The following AGAP1 variants were observed in gnomAD, a reference collection of about 807,000 sequenced individuals.
The protein encoded by AGAP1 is ArfGAP with GTPase domain, ankyrin repeat and PH domain 1.
Under a neutral mutation model 105.3 loss-of-function variants are expected in AGAP1, and 29 were observed. That is an observed-to-expected ratio of 0.28 (90% CI 0.21 to 0.38). The LOEUF is 0.38. AGAP1 is among the 10% of genes least tolerant of loss of function. The pLI is 1.00. For synonymous variants in AGAP1, 509 were observed against 485.9 expected (o/e 1.05, Z -0.63); for missense variants, 998 against 1,165.1 (o/e 0.86, Z 2.09).
chr2:236,124,143 C>G lies in AGAP1; in HGVS notation c.*21C>G. On this transcript the variant is annotated 3_prime_UTR_variant, in exon 18 of 18. Transcript: ENST00000304032. This position sits in a 1 kb window ranked among gnomAD's most constrained non-coding sequence, Gnocchi z 5.1. Reference sequence around the variant, plus strand: ...TCTGAGGAACAGCCGTGCCCGCCTGCTCGCCGCACCTGGGACGCGGCAGCC... The same window carrying G: ...TCTGAGGAACAGCCGTGCCCGCCTGGTCGCCGCACCTGGGACGCGGCAGCC... The G allele has an allele frequency of 6.2e-7, 1 of 1,609,950 alleles. No individual in the cohort carries two copies. Among genetic ancestry groups the G allele is most frequent in the Non-Finnish European group, 8.5e-7 (1 of 1,176,836 alleles).
rs116424950 is a variant in AGAP1, at chr2:235,575,293, A to G, written c.163+80444A>G. On this transcript the variant is annotated intron_variant, in intron 1 of 17. Transcript: ENST00000304032. ...CATGTCATGTTTGTTGATTATTTGT[A>G]TATGTTTTAATGTGTATTAAAAAGA... Among the ~76,000 whole-genome samples the G allele has an allele frequency of 2.6e-3, 397 of 152,316 alleles. 2 individuals are homozygous for G. The highest frequency in any genetic ancestry group is 7.9e-3 in the African/African-American group (327 of 41,566).
intron 9 of AGAP1, among the ~76,000 whole-genome samples, chr2:235,848,885 T>G (rs1176944299): frequency 6.6e-6 from 1 of 152,210 alleles, no homozygotes; most frequent in East Asian, 1.9e-4. Context: ...GCTGCTTTGT[T>G]GTTGCTCCTT....
intron 1 of AGAP1, among the ~76,000 whole-genome samples, chr2:235,661,648 A>G (rs6712672): frequency 0.22 from 34,211 of 152,094 alleles, 4,237 homozygotes; most frequent in East Asian, 0.46. Flanking sequence ...TCCGGGAGAC[A>G]TGGAGCATCT....
rs968716050 is a variant in AGAP1 at position 235,633,639 on chromosome 2, A to T, written c.164-75540A>T. On this transcript the variant is annotated intron_variant, in intron 1 of 17. Transcript: ENST00000304032. The surrounding 1 kb of genome is among the most constrained non-coding windows in gnomAD (Gnocchi z 4.8). The stretch of plus-strand genomic sequence containing the variant: ...GAATTGTCATAGATGGAGTGGGGAG[A>T]CCTACAAGGCCTGTCTGTTCAGATT... 2.6e-5 allele frequency among the ~76,000 whole-genome samples: 4 copies of T among 151,950 alleles called. No homozygotes were observed. The highest frequency in any genetic ancestry group is 9.7e-5 in the African/African-American group (4 of 41,376).
At chr2:235,564,945 G>T (rs1364595906) in intron 1 of AGAP1, among the ~76,000 whole-genome samples, 1 of 146,676 alleles carries the variant, frequency 6.8e-6, no homozygotes, top group Non-Finnish European at 1.5e-5. Flanking sequence ...CCAGCTGTGG[G>T]TCTAGACCAC....
At chr2:236,066,113 G>A (rs2058338252) in intron 16 of AGAP1, among the ~76,000 whole-genome samples, 2 of 152,238 alleles carry the variant, frequency 1.3e-5, no homozygotes, top group South Asian at 4.1e-4. Context: ...CCAAGCTCTG[G>A]AGGGGACACT....
At position 235,830,097 on chromosome 2, in the gene AGAP1, C is replaced by T. The variant is rs1379953043; in HGVS notation, c.1050+22766C>T. ...GGCGGCTGGCTGATGGAGTCGTTCT[C>T]ATTTGTGAAGACACTGTCCAGGGCT... On this transcript the variant is annotated intron_variant, in intron 9 of 17. Transcript: ENST00000304032. This position sits in a 1 kb window ranked among gnomAD's most constrained non-coding sequence, Gnocchi z 5.5. 6.6e-6 allele frequency among the ~76,000 whole-genome samples: 1 copy of T among 152,056 alleles called. No homozygotes were observed. The highest frequency in any genetic ancestry group is 1.5e-5 in the Non-Finnish European group (1 of 68,014).
chr2:236,078,968 C>A lies in AGAP1; in HGVS notation c.2114+29687C>A, dbSNP rs375761693. ...GGCTTGAACAGTGAGGTTCCAGTCCCGTCCCTTTAGCCTCATCCCTCATGG... is the reference window on the plus strand; with the variant it reads ...GGCTTGAACAGTGAGGTTCCAGTCCAGTCCCTTTAGCCTCATCCCTCATGG... On this transcript the variant is annotated intron_variant, in intron 16 of 17. Coordinates refer to ENST00000304032, the MANE Select transcript of AGAP1 (RefSeq NM_001037131.3). This position sits in a 1 kb window ranked among gnomAD's most constrained non-coding sequence, Gnocchi z 5.3. Among the ~76,000 whole-genome samples the A allele has an allele frequency of 6.6e-6, 1 of 152,150 alleles. No homozygotes were observed. The highest frequency in any genetic ancestry group is 1.5e-5 in the Non-Finnish European group (1 of 68,028).
At chr2:236,077,651 T>C (rs1477562298) in intron 16 of AGAP1, among the ~76,000 whole-genome samples, 1 of 152,190 alleles carries the variant, frequency 6.6e-6, no homozygotes, top group African/African-American at 2.4e-5. Context: ...TTTTTAGTGG[T>C]GTCACAATAA....
intron 2 of AGAP1, among the ~76,000 whole-genome samples, chr2:235,715,524 A>T (rs763520496): frequency 6.6e-6 from 1 of 152,114 alleles, no homozygotes; most frequent in East Asian, 1.9e-4. Flanking sequence ...AAGTTCATGG[A>T]CCTGCTGGGC....
At chr2:235,670,123 C>T (rs952865763) in intron 1 of AGAP1, 2 of 563,262 alleles carry the variant, frequency 3.6e-6, no homozygotes, top group African/African-American at 2.0e-5. Flanking sequence ...ACGGCAGTGG[C>T]GAGCCCGCGT....
intron 16 of AGAP1, among the ~76,000 whole-genome samples, chr2:236,072,905 G>A (rs1413770961): frequency 6.6e-6 from 1 of 152,096 alleles, no homozygotes; most frequent in Non-Finnish European, 1.5e-5. Context: ...AGAACCTGAT[G>A]GAAGTAATTT....
At chr2:235,598,187 T>C (rs146327698) in intron 1 of AGAP1, among the ~76,000 whole-genome samples, 210 of 152,168 alleles carry the variant, frequency 1.4e-3, no homozygotes, top group African/African-American at 4.7e-3. Flanking sequence ...CTGGCGTGTC[T>C]ACAGCATCCC....
At chr2:235,514,823 G>A (rs1942312826) in intron 1 of AGAP1, among the ~76,000 whole-genome samples, 1 of 152,226 alleles carries the variant, frequency 6.6e-6, no homozygotes, top group South Asian at 2.1e-4. Context: ...TTAACTGCAT[G>A]AGGGAGGCGG....
chr2:235,808,059 C>G (rs1957935364), intron 9 of AGAP1, among the ~76,000 whole-genome samples: 1 of 151,804 alleles, frequency 6.6e-6, no homozygotes, highest in African/African-American at 2.4e-5. Flanking sequence ...AAAAAAAACC[C>G]TGGAGTCCAC....
Position 235,723,800 on chromosome 2 carries a change from T to TGGTTGGTTGGTTGGTTGGTTGGTC in AGAP1, c.310+6159_310+6160insTGGTTGGTTGGTTGGTTGGTCGGT, listed in dbSNP as rs559644420. ...TTGGTTGGTTGGTTGGTTGGTTGGT[T>TGGTTGGTTGGTTGGTTGGTTGGTC]GGTCGATCGACAGAGACTTAAGAAT... On this transcript the variant is annotated intron_variant, in intron 3 of 17. Coordinates refer to ENST00000304032, the MANE Select transcript of AGAP1 (RefSeq NM_001037131.3). This position sits in a 1 kb window ranked among gnomAD's most constrained non-coding sequence, Gnocchi z 6.2. Among the ~76,000 whole-genome samples, 2 of 150,990 alleles carry TGGTTGGTTGGTTGGTTGGTTGGTC rather than the reference T, an allele frequency of 1.3e-5. No homozygotes were observed. Among genetic ancestry groups the TGGTTGGTTGGTTGGTTGGTTGGTC allele is most frequent in the Non-Finnish European group, 3.0e-5 (2 of 67,768 alleles).
Position 235,701,376 on chromosome 2 carries a change from G to A in AGAP1, c.164-7803G>A, listed in dbSNP as rs1280416898. 6.6e-6 allele frequency among the ~76,000 whole-genome samples: 1 copy of A among 152,000 alleles called. No individual in the cohort carries two copies. Among genetic ancestry groups the A allele is most frequent in the Non-Finnish European group, 1.5e-5 (1 of 68,002 alleles). On this transcript the variant is annotated intron_variant, in intron 1 of 17. Coordinates refer to ENST00000304032, the MANE Select transcript of AGAP1 (RefSeq NM_001037131.3). This position sits in a 1 kb window ranked among gnomAD's most constrained non-coding sequence, Gnocchi z 4.1. ...AAAGAGCCTTGGAATTGCAGGCAGTGGCGTGGATGTACCTGCAGGGGTGGG... is the reference window on the plus strand; with the variant it reads ...AAAGAGCCTTGGAATTGCAGGCAGTAGCGTGGATGTACCTGCAGGGGTGGG...
At position 236,105,668 on chromosome 2, in the gene AGAP1, G is replaced by A. The variant is rs1032546835; in HGVS notation, c.2115-14524G>A. On this transcript the variant is annotated intron_variant, in intron 16 of 17. Coordinates refer to ENST00000304032, the MANE Select transcript of AGAP1 (RefSeq NM_001037131.3). The surrounding 1 kb of genome is among the most constrained non-coding windows in gnomAD (Gnocchi z 4.2). ...CCTCCCGGGTTCACACCATTCTCCCGCGTTCACGCCATTCTCCCGCGTTCA... is the reference window on the plus strand; with the variant it reads ...CCTCCCGGGTTCACACCATTCTCCCACGTTCACGCCATTCTCCCGCGTTCA... 3.5e-4 allele frequency among the ~76,000 whole-genome samples: 20 copies of A among 57,178 alleles called. No homozygotes were observed. Among genetic ancestry groups the A allele is most frequent in the African/African-American group, 8.7e-4 (18 of 20,632 alleles). The allele number at this position is 57,178 out of a possible 152,430, so 37.5% of individuals were successfully genotyped here. A position where few individuals can be genotyped will look rare whatever the true frequency, so the allele number is the denominator to read the frequency against.
Position 236,082,041 on chromosome 2 carries a change from A to G in AGAP1, c.2114+32760A>G, listed in dbSNP as rs1262769254. Among the ~76,000 whole-genome samples, 4 of 152,224 alleles carry G rather than the reference A, an allele frequency of 2.6e-5. No homozygotes were observed. Among genetic ancestry groups the G allele is most frequent in the African/African-American group, 7.2e-5 (3 of 41,454 alleles). ...TAATCCAAAAGGAATGTGAAAAAAG[A>G]GTTGTTTTAATGTTGGAAAAAGGCA... On this transcript the variant is annotated intron_variant, in intron 16 of 17. Transcript: ENST00000304032. This position sits in a 1 kb window ranked among gnomAD's most constrained non-coding sequence, Gnocchi z 4.2.
Sources: allele counts gnomAD v4.1 joint callset (sites outside exome capture counted in the v4.1 genomes callset), GRCh38; gene constraint gnomAD v4.1.1; non-coding constraint Gnocchi (gnomAD v3.1); transcripts MANE v1.5; gene names NCBI Gene and HGNC (gene_info 2026-07-23, HGNC 2026-07-21).